The following PCNX4 variants were observed in gnomAD, a reference collection of about 807,000 sequenced individuals.
PCNX4 encodes pecanex-like protein 4.
PCNX4 carries 103 observed loss-of-function variants against 107.2 expected under a neutral mutation model. That is an observed-to-expected ratio of 0.96 (90% CI 0.82 to 1.13). The LOEUF is 1.13. Ranked by LOEUF, PCNX4 falls within the 50% of genes most tolerant of loss-of-function variation. PCNX4 has a pLI of 0.00. For missense variants in PCNX4, 1,528 were observed against 1,379.4 expected (o/e 1.11, Z -1.71); for synonymous variants, 541 against 481.7 (o/e 1.12, Z -1.61).
At chr14:60,126,975 C>T (rs1337613787) in intron 10 of PCNX4, among the ~76,000 whole-genome samples, 1 of 152,152 alleles carries the variant, frequency 6.6e-6, no homozygotes, top group Non-Finnish European at 1.5e-5. Flanking sequence ...CATGCTATCG[C>T]CCAGAACTCT....
chr14:60,102,907 ATAAAG>A (rs1895559769), intron 1 of PCNX4, among the ~76,000 whole-genome samples: 1 of 152,194 alleles, frequency 6.6e-6, no homozygotes, highest in African/African-American at 2.4e-5. Flanking sequence ...CCTCCTACAA[ATAAAG>A]TATTTTCAAA....
intron 2 of PCNX4, chr14:60,109,026 G>A (rs1344266388): frequency 6.0e-6 from 1 of 166,900 alleles, no homozygotes; most frequent in Non-Finnish European, 1.5e-5. Flanking sequence ...CCAATGTGAT[G>A]GTATTTTGAG....
chr14:60,133,736 AT>A, intron 10 of PCNX4: 1 of 627,704 alleles, frequency 1.6e-6, no homozygotes, highest in Admixed American at 2.4e-5. Flanking sequence ...CCTAATGGTG[AT>A]TGAGATGGCT....
At chr14:60,095,617 C>A in intron 1 of PCNX4, among the ~76,000 whole-genome samples, 1 of 151,982 alleles carries the variant, frequency 6.6e-6, no homozygotes. Flanking sequence ...CTTCTTTTTT[C>A]TGTAAAATCT....
At chr14:60,132,050 A>T (rs1169663284) in intron 10 of PCNX4, among the ~76,000 whole-genome samples, 3 of 152,214 alleles carry the variant, frequency 2.0e-5, no homozygotes, top group Non-Finnish European at 2.9e-5. Context: ...CTTTTTAAAA[A>T]ATGGAAATTT....
chr14:60,125,379 A>G lies in PCNX4; in HGVS notation c.3080+128A>G, dbSNP rs1489504026. 23 of 1,039,940 alleles carry G rather than the reference A, an allele frequency of 2.2e-5. 1 individual carries two copies. The South Asian group carries it at 2.7e-4, about 12-fold the overall frequency. 64.4% of individuals were successfully genotyped at this position (1,039,940 alleles called of 1,614,324 possible). A position where few individuals can be genotyped will look rare whatever the true frequency, so the allele number is the denominator to read the frequency against. ...ATTTACTTTCTTCAAAATGAAAAAAATGTTTCATGTGTAGTGTGATTGTAT... is the reference window on the plus strand; with the variant it reads ...ATTTACTTTCTTCAAAATGAAAAAAGTGTTTCATGTGTAGTGTGATTGTAT... On this transcript the variant is annotated intron_variant, in intron 9 of 10. Coordinates refer to ENST00000406854, the MANE Select transcript of PCNX4 (RefSeq NM_001330177.2).
At chr14:60,098,297 A>G (rs570754130) in intron 1 of PCNX4, among the ~76,000 whole-genome samples, 1 of 152,286 alleles carries the variant, frequency 6.6e-6, no homozygotes, top group South Asian at 2.1e-4. Flanking sequence ...TCTGTCACCA[A>G]TAAATACTGT....
chr14:60,105,502 A>G (rs1235840956), intron 1 of PCNX4, among the ~76,000 whole-genome samples: 1 of 152,184 alleles, frequency 6.6e-6, no homozygotes, highest in Non-Finnish European at 1.5e-5. Flanking sequence ...TACGCAAACC[A>G]TATACAGCCA....
rs1896015772 is a variant in PCNX4, at chr14:60,124,636, C to T, written c.2465C>T (p.Ser822Phe). 1 of 1,613,570 alleles carries T rather than the reference C, an allele frequency of 6.2e-7. No individual in the cohort carries two copies. The highest frequency in any genetic ancestry group is 8.5e-7 in the Non-Finnish European group (1 of 1,179,754). Residue 822 changes from serine to phenylalanine, a missense_variant, in exon 9 of 11, where the codon TCT (serine) becomes TTT (phenylalanine). By Grantham distance (155) the Ser-to-Phe change is radical. Transcript: ENST00000406854. Reference sequence around the variant, plus strand: ...AATTCAGAAACTTTTAATGACTGGTCTGATGATAATATTTTTGATGATGAG... The same window carrying T: ...AATTCAGAAACTTTTAATGACTGGTTTGATGATAATATTTTTGATGATGAG... ...SLNSETFNDWSDDNIFDDEPT... is the reference protein window; with the variant it reads ...SLNSETFNDWFDDNIFDDEPT...
chr14:60,134,055 G>A lies in PCNX4; in HGVS notation c.3353G>A (p.Trp1118Ter). Residue 1118 changes from tryptophan to a stop codon, truncating the protein, a stop_gained, in exon 11 of 11, where the codon TGG (tryptophan) becomes TAG (stop). Transcript: ENST00000406854. LOFTEE classifies it high-confidence loss of function. ...AATCCTGAAGCTGTTAGAGGTCAGT[G>A]GGCCAATCTTTCATGGGAATTACTT... ...KLNPEAVRGQWANLSWELLYA... is the reference protein window; with the variant it reads ...KLNPEAVRGQ The A allele has an allele frequency of 6.2e-7, 1 of 1,613,792 alleles. No individual in the cohort carries two copies.
Position 60,114,728 on chromosome 14 carries a change from C to T in PCNX4, c.718C>T (p.His240Tyr), listed in dbSNP as rs757243511. The T allele has an allele frequency of 3.1e-6, 5 of 1,613,192 alleles. No homozygotes were observed. The East Asian group carries it at 6.7e-5, about 22-fold the overall frequency. ...TGTGGTAAATATGCCAGCTCTAGAA[C>T]ACATGAATCAGATTTTACACATCTT... The part of the protein sequence containing the change: ...RFVVNMPALE[H>Y]MNQILHILFV... Residue 240 changes from histidine to tyrosine, a missense_variant, in exon 3 of 11, where the codon CAC becomes TAC. Physicochemically the swap from His to Tyr is moderately conservative, Grantham distance 83. Transcript: ENST00000406854.
intron 6 of PCNX4, among the ~76,000 whole-genome samples, chr14:60,117,080 G>A (rs1165473946): frequency 2.0e-5 from 3 of 152,088 alleles, no homozygotes; most frequent in Non-Finnish European, 4.4e-5. Flanking sequence ...GTTATAGTAA[G>A]CTGAAGTTAA....
chr14:60,114,497 G>A (rs1478909838), intron 2 of PCNX4, among the ~76,000 whole-genome samples: 1 of 152,032 alleles, frequency 6.6e-6, no homozygotes. Flanking sequence ...ATTGTATAGG[G>A]GTAGTTGCTG....
In PCNX4 at chr14:60,115,479, A is replaced by C; in HGVS notation, c.1357+18A>C. 1.3e-6 allele frequency: 2 copies of C among 1,511,744 alleles called. No individual in the cohort carries two copies. The highest frequency in any genetic ancestry group is 1.8e-6 in the Non-Finnish European group (2 of 1,139,330). The allele number at this position is 1,511,744 out of a possible 1,614,324, so 93.6% of individuals were successfully genotyped here. A position where few individuals can be genotyped will look rare whatever the true frequency, so the allele number is the denominator to read the frequency against. On this transcript the variant is annotated intron_variant, in intron 4 of 10. Transcript: ENST00000406854. The stretch of plus-strand genomic sequence containing the variant: ...AACTTTAGGTAGGAAGATAAAGTCT[A>C]TTAACCTTGTGTTACAAATCATATC...
At chr14:60,109,704 G>T (rs911207275) in intron 2 of PCNX4, 1 of 167,244 alleles carries the variant, frequency 6.0e-6, no homozygotes, top group Non-Finnish European at 1.5e-5. Context: ...GCCTCCCAAA[G>T]TTCTGGGATT....
At position 60,139,306 on chromosome 14, in the gene PCNX4, G is replaced by A. The variant is rs561816920; in HGVS notation, c.*5085G>A. On this transcript the variant is annotated 3_prime_UTR_variant, in exon 11 of 11. Transcript: ENST00000406854. ...TGAAATACAAAAAACAAAAACGATA[G>A]GGCAGGGGACTATGGTGGCTATTGC... 6.6e-6 allele frequency: 1 copy of A among 152,166 alleles called. No individual in the cohort carries two copies. The highest frequency in any genetic ancestry group is 2.4e-5 in the African/African-American group (1 of 41,562). The allele number at this position is 152,166 out of a possible 1,614,324, so 9.4% of individuals were successfully genotyped here. A position where few individuals can be genotyped will look rare whatever the true frequency, so the allele number is the denominator to read the frequency against.
Position 60,115,120 on chromosome 14 carries a change from A to T in PCNX4, c.1016A>T (p.Lys339Ile). 6.2e-7 allele frequency: 1 copy of T among 1,613,900 alleles called. No homozygotes were observed. The highest frequency in any genetic ancestry group is 1.1e-5 in the South Asian group (1 of 91,068). ...LSDMGHKIGT[K>I]SKDLPSGPEK... Reference sequence around the variant, plus strand: ...GATATGGGTCACAAAATTGGAACCAAATCTAAGGATTTACCCAGTGGTCCG... The same window carrying T: ...GATATGGGTCACAAAATTGGAACCATATCTAAGGATTTACCCAGTGGTCCG... Residue 339 changes from lysine to isoleucine, a missense_variant, in exon 4 of 11, where the codon AAA (lysine) becomes ATA (isoleucine). Physicochemically the swap from Lys to Ile is moderately radical, Grantham distance 102 (BLOSUM62 -3). Coordinates refer to ENST00000406854, the MANE Select transcript of PCNX4 (RefSeq NM_001330177.2).
intron 9 of PCNX4, 96 bp downstream of exon 9, chr14:60,125,347 T>C: frequency 8.0e-7 from 1 of 1,256,332 alleles, no homozygotes; most frequent in Non-Finnish European, 1.1e-6. Context: ...GTTTCTAGTT[T>C]TTTAAAATTT....
intron 1 of PCNX4, among the ~76,000 whole-genome samples, chr14:60,094,886 C>T (rs1056203684): frequency 6.6e-6 from 1 of 151,644 alleles, no homozygotes; most frequent in South Asian, 2.1e-4. Context: ...GGTTAAGTCA[C>T]TTAATATCAC....
Sources: allele counts gnomAD v4.1 joint callset (sites outside exome capture counted in the v4.1 genomes callset), GRCh38; gene constraint gnomAD v4.1.1; transcripts MANE v1.5; gene names NCBI Gene and HGNC (gene_info 2026-07-23, HGNC 2026-07-21).